SLC30A7: variants seen among roughly 807,000 people sequenced by gnomAD.
SLC30A7 encodes the protein solute carrier family 30 member 7.
In SLC30A7, 35 loss-of-function variants were observed where a neutral mutation model predicts 46.0. The ratio of observed to expected loss-of-function variants is 0.76; its 90% CI spans 0.58 to 1.01. The LOEUF is 1.01. Ranked by LOEUF, SLC30A7 falls within the 50% of genes least tolerant of loss-of-function variation. The pLI, the probability that SLC30A7 is intolerant of heterozygous loss-of-function variation, is 0.00. For missense variants in SLC30A7, 464 were observed against 451.1 expected, an observed-to-expected ratio of 1.03 and a Z score of -0.26; for synonymous variants, 147 against 157.8, an observed-to-expected ratio of 0.93 and a Z score of 0.51.
At chr1:100,970,833 A>G (rs1448659893) in intron 10 of SLC30A7, among the ~76,000 whole-genome samples, 3 of 152,052 alleles carry the variant, frequency 2.0e-5, no homozygotes, top group Non-Finnish European at 4.4e-5. Flanking sequence ...TTTTTGTTAG[A>G]AATAATGTTT....
intron 2 of SLC30A7, among the ~76,000 whole-genome samples, chr1:100,897,409 A>G (rs903828090): frequency 6.6e-6 from 1 of 152,030 alleles, no homozygotes; most frequent in Admixed American, 6.6e-5. Flanking sequence ...TGCTAACAAG[A>G]CTGTCACACT....
chr1:100,944,428 A>T (rs549869906), intron 8 of SLC30A7, among the ~76,000 whole-genome samples: 1 of 152,172 alleles, frequency 6.6e-6, no homozygotes, highest in Non-Finnish European at 1.5e-5. Flanking sequence ...TGAAAAGCAT[A>T]TTGAGATTTT....
At chr1:100,903,459 C>A (rs1651441523) in intron 2 of SLC30A7, among the ~76,000 whole-genome samples, 1 of 152,082 alleles carries the variant, frequency 6.6e-6, no homozygotes, top group Non-Finnish European at 1.5e-5. Context: ...AAGGACAAAT[C>A]TTAAAATATT....
the SLC30A7 span, chr1:100,995,035 G>C: frequency 9.6e-6 from 10 of 1,044,806 alleles, no homozygotes; most frequent in South Asian, 6.6e-5. Context: ...TTAGAACTCA[G>C]GTCATTTAAG....
intron 8 of SLC30A7, among the ~76,000 whole-genome samples, chr1:100,939,619 G>A (rs1278695691): frequency 1.3e-5 from 2 of 151,416 alleles, no homozygotes; most frequent in African/African-American, 4.9e-5. Context: ...GGCAGATCAC[G>A]AGGTCAGGAG....
rs1400096123 is a variant in SLC30A7 at position 100,925,379 on chromosome 1, G to T, written c.842+3538G>T. ...GCAATGGGACACAATAAGGATATTT[G>T]TTTTAAAAAATGATTTTGGCTGCTG... is the stretch of plus-strand genomic sequence containing the variant. On this transcript the variant is annotated intron_variant, in intron 8 of 10. Transcript: ENST00000357650. Among the ~76,000 whole-genome samples the T allele has an allele frequency of 2.0e-5, 3 of 152,196 alleles. No individual in the cohort carries two copies. The East Asian group carries it at 5.8e-4, about 29-fold the overall frequency.
intron 10 of SLC30A7, among the ~76,000 whole-genome samples, chr1:100,970,819 A>G (rs1300924109): frequency 6.6e-6 from 1 of 152,018 alleles, no homozygotes; most frequent in Admixed American, 6.6e-5. Context: ...ATTTTAATAT[A>G]CCTTTTTTGT....
chr1:100,955,697 A>G (rs965080731), intron 8 of SLC30A7, among the ~76,000 whole-genome samples: 12 of 152,066 alleles, frequency 7.9e-5, no homozygotes, highest in African/African-American at 2.4e-4. Context: ...ATGCTTCTCT[A>G]TTACAATAGT....
intron 5 of SLC30A7, among the ~76,000 whole-genome samples, chr1:100,913,173 TTC>T (rs1188923758): frequency 6.6e-6 from 1 of 152,218 alleles, no homozygotes; most frequent in Non-Finnish European, 1.5e-5. Flanking sequence ...ATTTTACTGA[TTC>T]TGTTACCAAA....
At chr1:100,930,132 T>G (rs1653578724) in intron 8 of SLC30A7, among the ~76,000 whole-genome samples, 1 of 152,086 alleles carries the variant, frequency 6.6e-6, no homozygotes, top group Non-Finnish European at 1.5e-5. Flanking sequence ...TGGTGTGATA[T>G]TTCTGAAGCC....
At chr1:100,991,589 A>T in the SLC30A7 span, among the ~76,000 whole-genome samples, 1 of 152,024 alleles carries the variant, frequency 6.6e-6, no homozygotes, top group Non-Finnish European at 1.5e-5. Flanking sequence ...GGAGTTTGAG[A>T]CCAGCTGGGC....
At position 100,975,895 on chromosome 1, in the gene SLC30A7, A is replaced by G. The variant is rs1656465263; in HGVS notation, c.*1038A>G. ...TGTAAAATATCCTGTACAAAACAAGACTATTGCCAGTAATGTATACAAATT... is the reference window on the plus strand; with the variant it reads ...TGTAAAATATCCTGTACAAAACAAGGCTATTGCCAGTAATGTATACAAATT... On this transcript the variant is annotated 3_prime_UTR_variant, in exon 11 of 11. Coordinates refer to ENST00000357650, the MANE Select transcript of SLC30A7 (RefSeq NM_133496.5). 6.9e-6 allele frequency: 1 copy of G among 145,490 alleles called. No individual in the cohort carries two copies. Among genetic ancestry groups the G allele is most frequent in the Non-Finnish European group, 1.5e-5 (1 of 67,082 alleles). 9.0% of individuals were successfully genotyped at this position (145,490 alleles called of 1,614,324 possible).
the SLC30A7 span, among the ~76,000 whole-genome samples, chr1:100,988,649 C>T: frequency 6.6e-6 from 1 of 151,930 alleles, no homozygotes; most frequent in Non-Finnish European, 1.5e-5. Flanking sequence ...AGTTCAAGAC[C>T]AGCCTGGCCA....
the SLC30A7 span, chr1:100,995,049 A>G: frequency 8.5e-7 from 1 of 1,179,264 alleles, no homozygotes. Context: ...ATTTAAGTAG[A>G]ATGTATTGAA....
chr1:100,962,859 C>T (rs61780322), intron 9 of SLC30A7, among the ~76,000 whole-genome samples: 3,998 of 152,204 alleles, frequency 0.026, 82 homozygotes, highest in Non-Finnish European at 0.043. Context: ...ACAGTTGTAA[C>T]GGTGAAGATA....
rs1027197039 is a variant in SLC30A7 at position 100,977,733 on chromosome 1, T to G, written c.*2876T>G. The G allele has an allele frequency of 6.6e-6, 1 of 152,134 alleles. No homozygotes were observed. The highest frequency in any genetic ancestry group is 2.4e-5 in the African/African-American group (1 of 41,448). The allele number at this position is 152,134 out of a possible 1,614,324, so 9.4% of individuals were successfully genotyped here. Reference sequence around the variant, plus strand: ...CAAACAGAAATATAGCTATACTATCTTTGGTTTTGTTTTTTTGTTTTTTTT... The same window carrying G: ...CAAACAGAAATATAGCTATACTATCGTTGGTTTTGTTTTTTTGTTTTTTTT... On this transcript the variant is annotated 3_prime_UTR_variant, in exon 11 of 11. Coordinates refer to ENST00000357650, the MANE Select transcript of SLC30A7 (RefSeq NM_133496.5).
chr1:100,968,746 A>G (rs1655997389), intron 10 of SLC30A7, among the ~76,000 whole-genome samples: 2 of 152,188 alleles, frequency 1.3e-5, no homozygotes, highest in African/African-American at 2.4e-5. Context: ...ACTTTATCCT[A>G]TGTCATACAT....
the SLC30A7 span, chr1:100,990,214 C>G: frequency 1.7e-6 from 1 of 581,696 alleles, no homozygotes; most frequent in South Asian, 2.1e-5. Context: ...ACTTATAAAA[C>G]CATCAGATCT....
At chr1:100,958,925 A>C (rs1655390107) in intron 8 of SLC30A7, among the ~76,000 whole-genome samples, 1 of 152,228 alleles carries the variant, frequency 6.6e-6, no homozygotes, top group Non-Finnish European at 1.5e-5. Flanking sequence ...CACTTCATAC[A>C]GTGTAGAAGA....
Sources: allele counts gnomAD v4.1 joint callset (sites outside exome capture counted in the v4.1 genomes callset), GRCh38; gene constraint gnomAD v4.1.1; transcripts MANE v1.5; gene names NCBI Gene and HGNC (gene_info 2026-07-23, HGNC 2026-07-21).